PHACTR2: variants seen among roughly 807,000 people sequenced by gnomAD.
PHACTR2 encodes phosphatase and actin regulator 2, also known as chromosome 6 open reading frame 56.
A neutral mutation model predicts 76.0 loss-of-function variants in PHACTR2; 30 were observed. The ratio of observed to expected loss-of-function variants is 0.39; its 90% CI spans 0.30 to 0.54. The LOEUF (loss-of-function observed/expected upper bound fraction) is 0.54. Ranked by LOEUF, PHACTR2 falls within the 20% of genes least tolerant of loss-of-function variation. PHACTR2 has a pLI of 0.61. For synonymous variants in PHACTR2, 292 were observed against 292.5 expected, an observed-to-expected ratio of 1.00 and a Z score of 0.02; for missense variants, 696 against 781.1, an observed-to-expected ratio of 0.89 and a Z score of 1.30.
intron 1 of PHACTR2, among the ~76,000 whole-genome samples, chr6:143,637,302 A>G (rs2128443201): frequency 6.6e-6 from 1 of 151,942 alleles, no homozygotes; most frequent in Middle Eastern, 3.4e-3. Context: ...TAAGTTAACC[A>G]TTCTTTTGTT....
In PHACTR2 at chr6:143,548,104, T is replaced by C. The variant is rs923379947; in HGVS notation, c.217+10897T>C. ...AGTTCTGGAGGCTGGAAGTTCAAGA[T>C]CAAGACACTGGCAGATTCAGTGTTT... is the stretch of plus-strand genomic sequence containing the variant. On this transcript the variant is annotated intron_variant, in intron 1 of 11. Coordinates refer to the PHACTR2 transcript ENST00000367584. This position sits in a 1 kb window ranked among gnomAD's most constrained non-coding sequence, Gnocchi z 4.5. Among the ~76,000 whole-genome samples, 9 of 152,190 alleles carry C rather than the reference T, an allele frequency of 5.9e-5. No individual in the cohort carries two copies. Among genetic ancestry groups the C allele is most frequent in the Non-Finnish European group, 1.3e-4 (9 of 68,036 alleles).
chr6:143,717,123 C>T (rs1417831590), intron 2 of PHACTR2, among the ~76,000 whole-genome samples: 1 of 152,210 alleles, frequency 6.6e-6, no homozygotes, highest in East Asian at 1.9e-4. Context: ...TCTTGGACTT[C>T]AGTCATGCTG....
chr6:143,820,354 C>T lies in PHACTR2; in HGVS notation c.1923-3320C>T, dbSNP rs1031820790. On this transcript the variant is annotated intron_variant, in intron 12 of 12. Coordinates refer to ENST00000440869, the MANE Select transcript of PHACTR2 (RefSeq NM_001100164.2). This position sits in a 1 kb window ranked among gnomAD's most constrained non-coding sequence, Gnocchi z 4.2. Reference sequence around the variant, plus strand: ...CATCTGAAAAAAGGCAAATCCTTTCCACCTATGATCCTGTAAAATAAAAAA... The same window carrying T: ...CATCTGAAAAAAGGCAAATCCTTTCTACCTATGATCCTGTAAAATAAAAAA... 7.2e-5 allele frequency among the ~76,000 whole-genome samples: 11 copies of T among 152,132 alleles called. No individual in the cohort carries two copies. The highest frequency in any genetic ancestry group is 2.4e-4 in the African/African-American group (10 of 41,412).
chr6:143,672,187 A>T lies in PHACTR2; in HGVS notation c.14-39829A>T, dbSNP rs1273076006. Among the ~76,000 whole-genome samples, 1 of 151,954 alleles carries T rather than the reference A, an allele frequency of 6.6e-6. No individual in the cohort carries two copies. The highest frequency in any genetic ancestry group is 1.5e-5 in the Non-Finnish European group (1 of 67,994). On this transcript the variant is annotated intron_variant, in intron 1 of 11. Transcript: ENST00000305766. This position sits in a 1 kb window ranked among gnomAD's most constrained non-coding sequence, Gnocchi z 5.8. ...TTGGACTACATGTTTATTAAAACTTATTGAACTGTTTGCTTTAAATGGGTA... is the reference window on the plus strand; with the variant it reads ...TTGGACTACATGTTTATTAAAACTTTTTGAACTGTTTGCTTTAAATGGGTA...
chr6:143,701,734 T>C (rs1442871794), intron 1 of PHACTR2, among the ~76,000 whole-genome samples: 1 of 152,148 alleles, frequency 6.6e-6, no homozygotes, highest in Non-Finnish European at 1.5e-5. Flanking sequence ...GGAATACTAA[T>C]AGCAACTACT....
chr6:143,812,215 GAC>G (rs1477437534), intron 12 of PHACTR2, among the ~76,000 whole-genome samples: 1 of 152,180 alleles, frequency 6.6e-6, no homozygotes, highest in Non-Finnish European at 1.5e-5. Flanking sequence ...TCCGGAGAGA[GAC>G]ACAAGCTGGT....
rs749927045 is a variant in PHACTR2 at position 143,760,577 on chromosome 6, C to G, written c.631C>G (p.Pro211Ala). ...VPPIKKNTKAPGKQAPVPPPK... is the reference protein window; with the variant it reads ...VPPIKKNTKAAGKQAPVPPPK... ...TCCCATTAAAAAAAATACCAAGGCT[C>G]CTGGTAAGCAGGCCCCCGTCCCTCC... Residue 211 changes from proline to alanine, a missense_variant, in exon 5 of 13, where the codon CCT becomes GCT. Transcript: ENST00000440869. This position sits in a 1 kb window ranked among gnomAD's most constrained non-coding sequence, Gnocchi z 6.4. The G allele has an allele frequency of 6.2e-7, 1 of 1,613,920 alleles. No homozygotes were observed. Among genetic ancestry groups the G allele is most frequent in the Admixed American group, 1.7e-5 (1 of 60,018 alleles).
At chr6:143,723,970 C>CT (rs1336019627) in intron 2 of PHACTR2, among the ~76,000 whole-genome samples, 158 of 146,164 alleles carry the variant, frequency 1.1e-3, no homozygotes, top group Middle Eastern at 7.0e-3. Context: ...TTCTTTTTTT[C>CT]TTTTTTTTTT....
rs1439849476 is a variant in PHACTR2, at chr6:143,561,183, G to T, written c.217+23976G>T. The T allele has an allele frequency of 6.6e-6, 1 of 152,294 alleles. No homozygotes were observed. Among genetic ancestry groups the T allele is most frequent in the African/African-American group, 2.4e-5 (1 of 41,446 alleles). 9.4% of individuals were successfully genotyped at this position (152,294 alleles called of 1,614,324 possible). A position where few individuals can be genotyped will look rare whatever the true frequency, so the allele number is the denominator to read the frequency against. The stretch of plus-strand genomic sequence containing the variant: ...GGCACTGACCTTCTGACCTTGGCGG[G>T]ATGCTTGAACCATTCTGCCCTTTCA... On this transcript the variant is annotated intron_variant, in intron 1 of 11. Transcript: ENST00000367584. The surrounding 1 kb of genome is among the most constrained non-coding windows in gnomAD (Gnocchi z 4.1).
intron 1 of PHACTR2, among the ~76,000 whole-genome samples, chr6:143,699,187 A>G (rs188027850): frequency 2.0e-5 from 3 of 151,910 alleles, no homozygotes; most frequent in Non-Finnish European, 2.9e-5. Flanking sequence ...TCCACCCCAA[A>G]TCTCGCTATG....
intron 1 of PHACTR2, among the ~76,000 whole-genome samples, chr6:143,687,112 A>G (rs1777543839): frequency 6.6e-6 from 1 of 152,342 alleles, no homozygotes; most frequent in East Asian, 1.9e-4. Context: ...GAGAGAAAGA[A>G]TGTGAGCAAA....
intron 1 of PHACTR2, among the ~76,000 whole-genome samples, chr6:143,690,463 T>A (rs1777619206): frequency 6.6e-6 from 1 of 152,188 alleles, no homozygotes; most frequent in Non-Finnish European, 1.5e-5. Context: ...GGGTGCTTCT[T>A]GAGAAAAGCT....
At chr6:143,737,035 A>G (rs1002387815) in intron 2 of PHACTR2, among the ~76,000 whole-genome samples, 1 of 151,906 alleles carries the variant, frequency 6.6e-6, no homozygotes, top group African/African-American at 2.4e-5. Flanking sequence ...TATTCTTAAG[A>G]GGACTGGAAT....
At chr6:143,620,869 C>G (rs1256647487) in intron 1 of PHACTR2, among the ~76,000 whole-genome samples, 1 of 152,192 alleles carries the variant, frequency 6.6e-6, no homozygotes, top group Non-Finnish European at 1.5e-5. Flanking sequence ...CACTGGAGGA[C>G]AGGCTTTGGT....
rs1203497053 is a variant in PHACTR2, at chr6:143,592,327, C to T, written c.217+55120C>T. 1.3e-5 allele frequency among the ~76,000 whole-genome samples: 2 copies of T among 152,192 alleles called. No homozygotes were observed. The highest frequency in any genetic ancestry group is 2.9e-5 in the Non-Finnish European group (2 of 68,038). ...GGTAAGATGAACCATCCTCTCCATC[C>T]AGATCCCCTGCATGTTTACTATTGT... On this transcript the variant is annotated intron_variant, in intron 1 of 11. Transcript: ENST00000367584. This position sits in a 1 kb window ranked among gnomAD's most constrained non-coding sequence, Gnocchi z 4.0.
Position 143,679,404 on chromosome 6 carries a change from C to T in PHACTR2, c.46+1195C>T, listed in dbSNP as rs1431914512. Among the ~76,000 whole-genome samples, 9 of 152,142 alleles carry T rather than the reference C, an allele frequency of 5.9e-5. No individual in the cohort carries two copies. The highest frequency in any genetic ancestry group is 1.3e-4 in the Non-Finnish European group (9 of 68,022). ...TCTGAAATCAAAGACCTCATGTTGACAGCTTTTTGAGAGATATTTGCGGGG... is the reference window on the plus strand; with the variant it reads ...TCTGAAATCAAAGACCTCATGTTGATAGCTTTTTGAGAGATATTTGCGGGG... On this transcript the variant is annotated intron_variant, in intron 1 of 12. Transcript: ENST00000440869. The surrounding 1 kb of genome is among the most constrained non-coding windows in gnomAD (Gnocchi z 4.6).
At chr6:143,563,193 A>C (rs1775306193) in intron 1 of PHACTR2, among the ~76,000 whole-genome samples, 1 of 152,190 alleles carries the variant, frequency 6.6e-6, no homozygotes, top group Non-Finnish European at 1.5e-5. Context: ...TTAGCAGTAA[A>C]GTGTTCCAAT....
intron 1 of PHACTR2, among the ~76,000 whole-genome samples, chr6:143,644,108 C>A (rs1776613785): frequency 6.6e-6 from 1 of 152,116 alleles, no homozygotes; most frequent in Non-Finnish European, 1.5e-5. Context: ...CAGCAAACCA[C>A]CAGAAGCGAG....
Position 143,658,823 on chromosome 6 carries a change from G to C in PHACTR2, c.13+50501G>C, listed in dbSNP as rs1342453842. Among the ~76,000 whole-genome samples, 4 of 152,012 alleles carry C rather than the reference G, an allele frequency of 2.6e-5. No individual in the cohort carries two copies. The highest frequency in any genetic ancestry group is 1.5e-5 in the Non-Finnish European group (1 of 67,964). On this transcript the variant is annotated intron_variant, in intron 1 of 11. Coordinates refer to the PHACTR2 transcript ENST00000305766. This position sits in a 1 kb window ranked among gnomAD's most constrained non-coding sequence, Gnocchi z 4.1. ...CAGGATCACTTGAGGTCAAGAGTTCGAGACCAGCCTAACCAACATGGTGAA... is the reference window on the plus strand; with the variant it reads ...CAGGATCACTTGAGGTCAAGAGTTCCAGACCAGCCTAACCAACATGGTGAA...
Sources: gnomAD v4.1 joint callset for allele counts (sites outside exome capture counted in the v4.1 genomes callset) on GRCh38, gnomAD v4.1.1 for gene constraint, Gnocchi (gnomAD v3.1) non-coding constraint, MANE v1.5 for transcripts, NCBI Gene and HGNC (gene_info 2026-07-23, HGNC 2026-07-21) for gene names.